The following ARHGAP24 variants were observed in gnomAD, a reference collection of about 807,000 sequenced individuals.
ARHGAP24 encodes the protein Rho GTPase activating protein 24.
ARHGAP24 carries 50 observed loss-of-function variants against 76.4 expected under a neutral mutation model. The ratio of observed to expected loss-of-function variants is 0.65; its 90% confidence interval spans 0.52 to 0.83. ARHGAP24 has a LOEUF of 0.83. ARHGAP24 is among the 40% of genes least tolerant of loss of function. The probability of loss-of-function intolerance (pLI) is 0.00; values close to 1 mark genes in which losing one functional copy is unlikely to be tolerated. For synonymous variants in ARHGAP24, 345 were observed against 323.3 expected (o/e 1.07, Z -0.72); for missense variants, 930 against 914.2 (o/e 1.02, Z -0.22).
chr4:85,579,447 G>C (rs1314593323), intron 2 of ARHGAP24, among the ~76,000 whole-genome samples: 2 of 148,926 alleles, frequency 1.3e-5, no homozygotes, highest in Non-Finnish European at 3.0e-5. Flanking sequence ...TTTTGCCCTT[G>C]ATATATTAAA....
At chr4:85,649,800 T>C (rs1721866964) in intron 2 of ARHGAP24, among the ~76,000 whole-genome samples, 1 of 152,194 alleles carries the variant, frequency 6.6e-6, no homozygotes, top group South Asian at 2.1e-4. Flanking sequence ...CACTGTGTGA[T>C]GTCCTGCATA....
chr4:85,522,904 C>CT lies in ARHGAP24; in HGVS notation c.-21+47349dup, dbSNP rs111946080. 9.9e-3 allele frequency among the ~76,000 whole-genome samples: 1,506 copies of CT among 152,002 alleles called. 14 individuals carry two copies. Among genetic ancestry groups the CT allele is most frequent in the East Asian group, 0.018 (95 of 5,156 alleles). On this transcript the variant is annotated intron_variant, in intron 1 of 9. Transcript: ENST00000395184. The stretch of plus-strand genomic sequence containing the variant: ...GTAGAACTATAGTCCCTCACTTTGA[C>CT]TTTTCTTTTGCCTTTTCCTCTGCTT...
chr4:85,926,100 A>C (rs1316548281), intron 4 of ARHGAP24, among the ~76,000 whole-genome samples: 1 of 152,078 alleles, frequency 6.6e-6, no homozygotes, highest in Admixed American at 6.6e-5. Context: ...GGCCACGGGC[A>C]GTCACATCAA....
At chr4:85,506,945 CA>C (rs1188872945) in intron 1 of ARHGAP24, among the ~76,000 whole-genome samples, 1 of 151,902 alleles carries the variant, frequency 6.6e-6, no homozygotes, top group East Asian at 1.9e-4. Flanking sequence ...AGGTAAAACA[CA>C]CATTTAGAAA....
At chr4:85,870,580 C>T (rs748821443) in intron 3 of ARHGAP24, among the ~76,000 whole-genome samples, 1 of 152,078 alleles carries the variant, frequency 6.6e-6, no homozygotes, top group Non-Finnish European at 1.5e-5. Context: ...AGTGGAGGCC[C>T]TTCTTTTCTA....
At chr4:85,859,983 A>T (rs764148690) in intron 3 of ARHGAP24, among the ~76,000 whole-genome samples, 1 of 152,130 alleles carries the variant, frequency 6.6e-6, no homozygotes, top group Non-Finnish European at 1.5e-5. Flanking sequence ...AAGCTTTCTG[A>T]TAAGGATTGT....
In ARHGAP24 at chr4:85,739,614, C is replaced by CTT. The variant is rs1185155863; in HGVS notation, c.268+17671_268+17672dup. Among the ~76,000 whole-genome samples, 2 of 7,476 alleles carry CTT rather than the reference C, an allele frequency of 2.7e-4. 1 individual carries two copies. The highest frequency in any genetic ancestry group is 2.8e-4 in the African/African-American group (2 of 7,060). The allele number at this position is 7,476 out of a possible 152,430, so 4.9% of individuals were successfully genotyped here. On this transcript the variant is annotated intron_variant, in intron 3 of 9. Coordinates refer to ENST00000395184, the MANE Select transcript of ARHGAP24 (RefSeq NM_001025616.3). ...ATATCGTGAAAACTCCACGTTCAAT[C>CTT]TTTTTTTTTTTTTTTTTTTTTTTTT...
chr4:85,922,986 C>T (rs560452584), intron 3 of ARHGAP24, among the ~76,000 whole-genome samples: 3 of 152,212 alleles, frequency 2.0e-5, no homozygotes, highest in Admixed American at 6.5e-5. Flanking sequence ...TCAAGCTCAC[C>T]CTTAGGTGCG....
intron 3 of ARHGAP24, among the ~76,000 whole-genome samples, chr4:85,812,205 A>T (rs1257562711): frequency 6.6e-6 from 1 of 151,908 alleles, no homozygotes; most frequent in Non-Finnish European, 1.5e-5. Context: ...AAAATAAAAA[A>T]TAAATGTGTT....
chr4:85,748,431 G>C (rs138947169), intron 3 of ARHGAP24, among the ~76,000 whole-genome samples: 1 of 152,300 alleles, frequency 6.6e-6, no homozygotes, highest in East Asian at 1.9e-4. Context: ...TGAAAGCAGT[G>C]ATACTGCTTT....
intron 4 of ARHGAP24, among the ~76,000 whole-genome samples, chr4:85,939,430 C>T (rs765719112): frequency 2.0e-4 from 30 of 152,134 alleles, no homozygotes; most frequent in Non-Finnish European, 3.5e-4. Flanking sequence ...CTGTAACTAA[C>T]CTCAGACAAA....
intron 1 of ARHGAP24, among the ~76,000 whole-genome samples, chr4:85,511,277 T>C (rs115344131): frequency 0.013 from 2,028 of 152,202 alleles, 36 homozygotes; most frequent in African/African-American, 0.046. Context: ...TTATATCTCT[T>C]CTATGTGTAA....
At chr4:85,999,857 G>A (rs1447729831) in intron 9 of ARHGAP24, 3 of 152,334 alleles carry the variant, frequency 2.0e-5, no homozygotes, top group Non-Finnish European at 4.4e-5. Flanking sequence ...ATTGGGGATG[G>A]AAAGGAATGG....
intron 2 of ARHGAP24, among the ~76,000 whole-genome samples, chr4:85,617,254 TTATATC>T (rs1402427671): frequency 6.7e-6 from 1 of 149,086 alleles, no homozygotes; most frequent in Non-Finnish European, 1.5e-5. Context: ...ACCTATATAT[TTATATC>T]TATATTAATA....
intron 3 of ARHGAP24, among the ~76,000 whole-genome samples, chr4:85,859,505 G>A (rs1560677242): frequency 6.6e-6 from 1 of 151,978 alleles, no homozygotes; most frequent in Non-Finnish European, 1.5e-5. Context: ...GTCATCAAAC[G>A]TTTAAATACA....
intron 3 of ARHGAP24, among the ~76,000 whole-genome samples, chr4:85,814,523 G>T (rs1295661050): frequency 6.6e-6 from 1 of 152,156 alleles, no homozygotes; most frequent in Admixed American, 6.5e-5. Context: ...ATCCAGCAGG[G>T]CAGTCAAATC....
At chr4:85,524,873 T>C (rs1440845668) in intron 1 of ARHGAP24, among the ~76,000 whole-genome samples, 1 of 152,080 alleles carries the variant, frequency 6.6e-6, no homozygotes, top group Non-Finnish European at 1.5e-5. Flanking sequence ...CTTACAAACA[T>C]ATAAAGCATG....
Position 85,995,739 on chromosome 4 carries a change from A to G in ARHGAP24, c.2003+82A>G, listed in dbSNP as rs1553952216. The G allele has an allele frequency of 1.9e-5, 26 of 1,346,140 alleles. No homozygotes were observed. The South Asian group carries it at 2.8e-4, about 14-fold the overall frequency. The allele number at this position is 1,346,140 out of a possible 1,614,324, so 83.4% of individuals were successfully genotyped here. A position where few individuals can be genotyped will look rare whatever the true frequency, so the allele number is the denominator to read the frequency against. ...GGGACAGGATCACACTGAGGGTGAC[A>G]TATGCTGGCTCCAAAGTCAAAGAAA... On this transcript the variant is annotated intron_variant, in intron 9 of 9. Transcript: ENST00000395184.
At position 85,564,094 on chromosome 4, in the gene ARHGAP24, A is replaced by G. The variant is rs150960417; in HGVS notation, c.-20-6428A>G. ...CTTATGTCCTTTGCTTCATCAAAGA[A>G]TGTCAGATCTGCAGGCATATGCTTA... On this transcript the variant is annotated intron_variant, in intron 1 of 9. Transcript: ENST00000395184. 7.5e-3 allele frequency among the ~76,000 whole-genome samples: 1,142 copies of G among 152,346 alleles called. 8 individuals carry two copies. Among genetic ancestry groups the G allele is most frequent in the Non-Finnish European group, 0.014 (952 of 68,034 alleles).
Sources: allele counts gnomAD v4.1 joint callset (sites outside exome capture counted in the v4.1 genomes callset), GRCh38; gene constraint gnomAD v4.1.1; transcripts MANE v1.5; gene names NCBI Gene and HGNC (gene_info 2026-07-23, HGNC 2026-07-21).